DOCK1: variants seen among roughly 807,000 people sequenced by gnomAD.
The protein encoded by DOCK1 is dedicator of cytokinesis protein 1.
A neutral mutation model predicts 262.7 loss-of-function variants in DOCK1; 138 were observed. The observed-to-expected ratio is 0.53, with a 90% CI of 0.46 to 0.61. The LOEUF is 0.61. Ranked by LOEUF, DOCK1 falls within the 20% of genes least tolerant of loss-of-function variation. The pLI, the probability that DOCK1 is intolerant of heterozygous loss-of-function variation, is 0.00. For missense variants in DOCK1, 1,908 were observed against 2,370.7 expected, an observed-to-expected ratio of 0.80 and a Z score of 4.05; for synonymous variants, 866 against 867.4, an observed-to-expected ratio of 1.00 and a Z score of 0.03.
intron 47 of DOCK1, among the ~76,000 whole-genome samples, chr10:127,431,093 G>A (rs2069253274): frequency 6.6e-6 from 1 of 151,796 alleles, no homozygotes; most frequent in Non-Finnish European, 1.5e-5. Flanking sequence ...GGGGCTCCGA[G>A]TGGCTCGGGG....
At chr10:127,169,082 A>G (rs1340331018) in intron 27 of DOCK1, among the ~76,000 whole-genome samples, 3 of 152,140 alleles carry the variant, frequency 2.0e-5, no homozygotes, top group Non-Finnish European at 2.9e-5. Flanking sequence ...ACATCACGCA[A>G]ACATGTTCTG....
chr10:126,921,882 C>A (rs2033234282), intron 1 of DOCK1, among the ~76,000 whole-genome samples: 1 of 151,892 alleles, frequency 6.6e-6, no homozygotes, highest in Non-Finnish European at 1.5e-5. Flanking sequence ...AAACTCCTGA[C>A]CTCAGGTGAT....
At chr10:127,202,712 C>G (rs1013693712) in intron 27 of DOCK1, among the ~76,000 whole-genome samples, 2 of 152,156 alleles carry the variant, frequency 1.3e-5, no homozygotes. Context: ...GGCAGGTACT[C>G]GGTCCATTGT....
At chr10:126,927,357 C>T (rs2033820554) in intron 1 of DOCK1, among the ~76,000 whole-genome samples, 1 of 152,202 alleles carries the variant, frequency 6.6e-6, no homozygotes, top group Non-Finnish European at 1.5e-5. Flanking sequence ...TCCAGATTCC[C>T]CTGGAGCAGT....
chr10:127,280,235 C>T (rs1424617488), intron 29 of DOCK1, among the ~76,000 whole-genome samples: 5 of 151,448 alleles, frequency 3.3e-5, no homozygotes, highest in African/African-American at 7.3e-5. Context: ...GGGGTTTCAC[C>T]GTTTTAGCCG....
chr10:127,283,902 C>T (rs1011825077), intron 29 of DOCK1, among the ~76,000 whole-genome samples: 5 of 152,118 alleles, frequency 3.3e-5, no homozygotes, highest in Admixed American at 2.0e-4. Context: ...TCCCAGAAGT[C>T]GGATTACTGG....
intron 23 of DOCK1, among the ~76,000 whole-genome samples, chr10:127,103,380 T>C (rs1204881468): frequency 6.6e-6 from 1 of 152,214 alleles, no homozygotes. Context: ...TCATATTGTC[T>C]GCTGCAGGAG....
intron 25 of DOCK1, among the ~76,000 whole-genome samples, chr10:127,112,898 G>A (rs1052574227): frequency 2.0e-5 from 3 of 152,194 alleles, no homozygotes; most frequent in Admixed American, 2.0e-4. Flanking sequence ...AGTTTTAAGC[G>A]TTTTTCTTAA....
At chr10:127,044,425 C>T (rs1262429833) in intron 21 of DOCK1, among the ~76,000 whole-genome samples, 11 of 152,170 alleles carry the variant, frequency 7.2e-5, no homozygotes, top group African/African-American at 1.9e-4. Flanking sequence ...TGCTAATAAA[C>T]GTTTGTTTAA....
chr10:127,368,057 C>G (rs902006699), intron 33 of DOCK1, among the ~76,000 whole-genome samples: 1 of 152,184 alleles, frequency 6.6e-6, no homozygotes, highest in African/African-American at 2.4e-5. Flanking sequence ...CTGTGGACAT[C>G]TGGGGCCTCC....
chr10:127,250,955 C>G (rs1036694411), intron 28 of DOCK1, among the ~76,000 whole-genome samples: 7 of 151,944 alleles, frequency 4.6e-5, no homozygotes, highest in African/African-American at 1.7e-4. Flanking sequence ...GACTGTTTTT[C>G]AACTCTGACA....
At chr10:126,908,836 C>T (rs1327674293) in intron 1 of DOCK1, among the ~76,000 whole-genome samples, 5 of 152,192 alleles carry the variant, frequency 3.3e-5, no homozygotes, top group Non-Finnish European at 5.9e-5. Flanking sequence ...TATGTCCCGA[C>T]GTCAATAAAA....
chr10:127,314,521 T>A (rs1478256094), intron 29 of DOCK1, among the ~76,000 whole-genome samples: 2 of 152,224 alleles, frequency 1.3e-5, no homozygotes. Context: ...AATGCCCTCT[T>A]GGCCCTGTAG....
intron 29 of DOCK1, among the ~76,000 whole-genome samples, chr10:127,274,512 G>A (rs1419253861): frequency 6.6e-6 from 1 of 152,194 alleles, no homozygotes; most frequent in South Asian, 2.1e-4. Flanking sequence ...AGCTACACCA[G>A]CGATGGCCAT....
chr10:127,170,605 G>A (rs936733966), intron 27 of DOCK1, among the ~76,000 whole-genome samples: 1 of 151,900 alleles, frequency 6.6e-6, no homozygotes, highest in African/African-American at 2.4e-5. Flanking sequence ...CACTGTAGTT[G>A]CTGGTGAGTT....
chr10:127,008,868 T>G, intron 11 of DOCK1, 64 bp downstream of exon 11: 1 of 1,344,658 alleles, frequency 7.4e-7, no homozygotes, highest in Non-Finnish European at 1.0e-6. Context: ...CTTGTAATAA[T>G]TATCTTTATA....
chr10:126,952,685 G>A (rs2036375578), intron 1 of DOCK1, among the ~76,000 whole-genome samples: 1 of 151,726 alleles, frequency 6.6e-6, no homozygotes, highest in Non-Finnish European at 1.5e-5. Flanking sequence ...GTTGTTGTTG[G>A]TAGTATTGTT....
At chr10:127,288,829 A>G (rs1008207788) in intron 29 of DOCK1, among the ~76,000 whole-genome samples, 1 of 151,764 alleles carries the variant, frequency 6.6e-6, no homozygotes, top group Non-Finnish European at 1.5e-5. Context: ...CAGAATAACA[A>G]TACCAATTGT....
chr10:127,043,507 T>C (rs927668325), intron 21 of DOCK1, among the ~76,000 whole-genome samples: 17 of 152,246 alleles, frequency 1.1e-4, no homozygotes, highest in Non-Finnish European at 2.1e-4. Flanking sequence ...AATGGATAAA[T>C]GCATGTGTTC....
Sources: allele counts gnomAD v4.1 joint callset (sites outside exome capture counted in the v4.1 genomes callset), GRCh38; gene constraint gnomAD v4.1.1; transcripts MANE v1.5; gene names NCBI Gene and HGNC (gene_info 2026-07-23, HGNC 2026-07-21).